Variants in MBD5 observed in about 807,000 individuals in gnomAD.
MBD5 encodes methyl-CpG binding domain protein 5.
MBD5 carries 13 observed loss-of-function variants against 117.3 expected under a neutral mutation model. That is an observed-to-expected ratio of 0.11 (90% CI 0.07 to 0.18). MBD5 has a LOEUF of 0.18. Ranked by LOEUF, MBD5 falls within the 10% of genes least tolerant of loss-of-function variation. MBD5 has a pLI of 1.00. For synonymous variants in MBD5, 727 were observed against 766.4 expected (o/e 0.95, Z 0.85); for missense variants, 1,879 against 2,093.8 (o/e 0.90, Z 2.00).
intron 3 of MBD5, among the ~76,000 whole-genome samples, chr2:148,262,349 A>T (rs1700751095): frequency 6.8e-6 from 1 of 148,084 alleles, no homozygotes; most frequent in South Asian, 2.1e-4. Flanking sequence ...CATCTAAAGT[A>T]AAAAAAAAAA....
At chr2:148,176,614 G>T (rs978295671) in intron 1 of MBD5, among the ~76,000 whole-genome samples, 2 of 151,764 alleles carry the variant, frequency 1.3e-5, no homozygotes, top group African/African-American at 4.8e-5. Flanking sequence ...TCACCATGTT[G>T]GCCAGGCTGG....
At chr2:148,040,033 T>A (rs1484705480) in intron 1 of MBD5, among the ~76,000 whole-genome samples, 1 of 151,940 alleles carries the variant, frequency 6.6e-6, no homozygotes, top group African/African-American at 2.4e-5. Flanking sequence ...AATTTAAAAA[T>A]TAAGGGCGGG....
intron 4 of MBD5, among the ~76,000 whole-genome samples, chr2:148,431,473 G>A (rs1029277021): frequency 6.6e-6 from 1 of 151,924 alleles, no homozygotes; most frequent in Non-Finnish European, 1.5e-5. Context: ...TTGGTGTACA[G>A]ACAGTTTCAT....
At chr2:148,335,792 G>T (rs1042329877) in intron 3 of MBD5, among the ~76,000 whole-genome samples, 1 of 152,112 alleles carries the variant, frequency 6.6e-6, no homozygotes, top group East Asian at 1.9e-4. Flanking sequence ...CACCCACCAT[G>T]AGCCAGACAA....
At chr2:148,391,875 C>T (rs1258627502) in intron 4 of MBD5, among the ~76,000 whole-genome samples, 4 of 152,144 alleles carry the variant, frequency 2.6e-5, no homozygotes, top group Admixed American at 6.5e-5. Context: ...CAAAGATATA[C>T]AACATGTATC....
chr2:148,155,404 G>A (rs953772351), intron 1 of MBD5, among the ~76,000 whole-genome samples: 2 of 152,174 alleles, frequency 1.3e-5, no homozygotes, highest in African/African-American at 4.8e-5. Flanking sequence ...GCTCAGACAG[G>A]TAATGGGAAA....
intron 4 of MBD5, among the ~76,000 whole-genome samples, chr2:148,404,758 T>C (rs567602130): frequency 2.0e-5 from 3 of 152,300 alleles, no homozygotes; most frequent in African/African-American, 7.2e-5. Context: ...TTATTTTTGG[T>C]TGTTTCAGGC....
chr2:148,426,516 A>C (rs962363159), intron 4 of MBD5, among the ~76,000 whole-genome samples: 4 of 152,062 alleles, frequency 2.6e-5, no homozygotes, highest in Admixed American at 1.3e-4. Flanking sequence ...CAACTATCTG[A>C]TCTTTGACAA....
intron 1 of MBD5, among the ~76,000 whole-genome samples, chr2:148,114,116 T>C (rs989710267): frequency 1.2e-4 from 19 of 152,206 alleles, no homozygotes; most frequent in African/African-American, 4.3e-4. Context: ...CTGATTACAT[T>C]GATGAAATAA....
intron 1 of MBD5, among the ~76,000 whole-genome samples, chr2:148,078,246 T>C (rs190664028): frequency 8.5e-5 from 13 of 152,290 alleles, no homozygotes; most frequent in African/African-American, 3.1e-4. Context: ...TAAGGTTCTT[T>C]CTAGTTTTTT....
At chr2:148,100,417 T>G (rs1460178724) in intron 1 of MBD5, among the ~76,000 whole-genome samples, 2 of 152,178 alleles carry the variant, frequency 1.3e-5, no homozygotes, top group Non-Finnish European at 2.9e-5. Context: ...TATCTCCTGC[T>G]GCATAACAAA....
chr2:148,139,510 C>G (rs1004288298), intron 1 of MBD5, among the ~76,000 whole-genome samples: 3 of 152,134 alleles, frequency 2.0e-5, no homozygotes, highest in African/African-American at 4.8e-5. Flanking sequence ...CTGTGCCCGG[C>G]CTTCTTTAAA....
At chr2:148,242,979 G>A (rs2106201901) in intron 3 of MBD5, among the ~76,000 whole-genome samples, 1 of 152,270 alleles carries the variant, frequency 6.6e-6, no homozygotes, top group Middle Eastern at 3.4e-3. Context: ...GGGGAAACTG[G>A]TTGAGGTTGC....
chr2:148,115,360 C>T (rs1221528223), intron 1 of MBD5, among the ~76,000 whole-genome samples: 2 of 152,136 alleles, frequency 1.3e-5, no homozygotes, highest in African/African-American at 2.4e-5. Context: ...GCCTTCGCCA[C>T]TGACATGCTG....
At chr2:148,058,891 T>C (rs1257083608) in intron 1 of MBD5, among the ~76,000 whole-genome samples, 1 of 152,212 alleles carries the variant, frequency 6.6e-6, no homozygotes, top group Non-Finnish European at 1.5e-5. Flanking sequence ...AGTGGCCTTA[T>C]ATGAGCTTGG....
intron 6 of MBD5, 21 bp downstream of exon 6, chr2:148,462,705 C>T (rs1707128323): frequency 7.0e-7 from 1 of 1,434,090 alleles, no homozygotes; most frequent in Non-Finnish European, 9.8e-7. Flanking sequence ...CACAATAGAT[C>T]TACAGCAGTG....
At chr2:148,033,349 A>T (rs1297109616) in intron 1 of MBD5, among the ~76,000 whole-genome samples, 3 of 152,224 alleles carry the variant, frequency 2.0e-5, no homozygotes, top group African/African-American at 7.2e-5. Context: ...ATTTTAGGCC[A>T]TAATGTTAGC....
At chr2:148,409,204 G>T (rs2105160821) in intron 4 of MBD5, among the ~76,000 whole-genome samples, 1 of 152,064 alleles carries the variant, frequency 6.6e-6, no homozygotes, top group Non-Finnish European at 1.5e-5. Context: ...GGACAACATA[G>T]TGAGACCCTG....
At chr2:148,293,784 G>A (rs758084842) in intron 3 of MBD5, among the ~76,000 whole-genome samples, 16 of 152,168 alleles carry the variant, frequency 1.1e-4, no homozygotes, top group Non-Finnish European at 2.2e-4. Flanking sequence ...AATGGTTGAG[G>A]AAGTGCCCTT....
Sources: gnomAD v4.1 joint callset for allele counts (sites outside exome capture counted in the v4.1 genomes callset) on GRCh38, gnomAD v4.1.1 for gene constraint, MANE v1.5 for transcripts, NCBI Gene and HGNC (gene_info 2026-07-23, HGNC 2026-07-21) for gene names.